Variants in RPS6KA2 observed in about 807,000 individuals in gnomAD.
The protein encoded by RPS6KA2 is ribosomal protein S6 kinase A2.
Under a neutral mutation model 91.8 loss-of-function variants are expected in RPS6KA2, and 42 were observed. That is an observed-to-expected ratio of 0.46 (90% confidence interval 0.36 to 0.59). The LOEUF (loss-of-function observed/expected upper bound fraction) is 0.59. Among genes scored for constraint, RPS6KA2 ranks in the 20% least tolerant of loss-of-function variants. The pLI is 0.00. For missense variants in RPS6KA2, 798 were observed against 978.5 expected, an observed-to-expected ratio of 0.82 and a Z score of 2.46; for synonymous variants, 414 against 393.6, an observed-to-expected ratio of 1.05 and a Z score of -0.61.
intron 1 of RPS6KA2, among the ~76,000 whole-genome samples, chr6:166,613,060 A>C (rs1786245607): frequency 6.6e-6 from 1 of 152,180 alleles, no homozygotes; most frequent in Non-Finnish European, 1.5e-5. Context: ...CTTTCCCTGT[A>C]TTTCAAGTCC....
chr6:166,691,170 C>A (rs1379500735), intron 2 of RPS6KA2, among the ~76,000 whole-genome samples: 1 of 152,138 alleles, frequency 6.6e-6, no homozygotes, highest in Non-Finnish European at 1.5e-5. Context: ...ACTCTGCCAT[C>A]TGATTGCCCT....
intron 3 of RPS6KA2, among the ~76,000 whole-genome samples, 197 bp from the exon 4 acceptor site, chr6:166,510,554 C>CATATATATATATAT (rs58712416): frequency 3.8e-5 from 3 of 78,792 alleles, no homozygotes; most frequent in Admixed American, 1.2e-4. Flanking sequence ...TTCTCTCTCT[C>CATATATATATATAT]ATATATATAT....
chr6:166,845,163 A>G (rs1246043600), intron 2 of RPS6KA2, among the ~76,000 whole-genome samples: 8 of 152,200 alleles, frequency 5.3e-5, no homozygotes, highest in Non-Finnish European at 1.2e-4. Context: ...GGAAAATATC[A>G]CAATCCTAAA....
intron 8 of RPS6KA2, among the ~76,000 whole-genome samples, chr6:166,496,365 TTA>T (rs1562533917): frequency 2.4e-5 from 2 of 83,898 alleles, no homozygotes; most frequent in African/African-American, 6.7e-5. Flanking sequence ...CAATAAAAAA[TTA>T]AAAAATAAAA....
intron 2 of RPS6KA2, among the ~76,000 whole-genome samples, chr6:166,707,312 A>T (rs1349143690): frequency 5.3e-5 from 8 of 152,226 alleles, no homozygotes; most frequent in African/African-American, 1.9e-4. Flanking sequence ...TCTCACCCAC[A>T]CGGTTAGGGA....
intron 1 of RPS6KA2, among the ~76,000 whole-genome samples, chr6:166,588,579 G>A (rs898466039): frequency 2.0e-5 from 3 of 152,280 alleles, no homozygotes; most frequent in East Asian, 1.9e-4. Flanking sequence ...CCAACCTCTC[G>A]CTCTGGCTGA....
At chr6:166,532,844 A>AGAGAGAGT (rs573257516) in intron 2 of RPS6KA2, among the ~76,000 whole-genome samples, 2,063 of 149,512 alleles carry the variant, frequency 0.014, 41 homozygotes, top group African/African-American at 0.048. Flanking sequence ...AGAGAGAGAG[A>AGAGAGAGT]GTGTGTGTGT....
Position 166,564,095 on chromosome 6 carries a change from T to C in RPS6KA2, c.100-25311A>G, listed in dbSNP as rs984501236. On this transcript the variant is annotated intron_variant, in intron 1 of 20. Coordinates refer to ENST00000265678, the MANE Select transcript of RPS6KA2 (RefSeq NM_021135.6). ...ACTATGTCCCAGGCTCTGTGTTTCCTCAGGAATATATTTACTTAGAGAAGC... is the reference window on the plus strand; with the variant it reads ...ACTATGTCCCAGGCTCTGTGTTTCCCCAGGAATATATTTACTTAGAGAAGC... 4.7e-4 allele frequency among the ~76,000 whole-genome samples: 72 copies of C among 152,164 alleles called. 1 individual carries two copies. Among genetic ancestry groups the C allele is most frequent in the Admixed American group, 4.5e-3 (69 of 15,266 alleles).
At chr6:166,564,456 T>C (rs11963778) in intron 1 of RPS6KA2, among the ~76,000 whole-genome samples, 8,522 of 152,238 alleles carry the variant, frequency 0.056, 838 homozygotes, top group African/African-American at 0.19. Flanking sequence ...TCTGTGCCGC[T>C]CTTCCAAATT....
Position 166,796,415 on chromosome 6 carries a change from C to T in RPS6KA2, c.123+61785G>A, listed in dbSNP as rs538354781. Among the ~76,000 whole-genome samples, 12 of 152,220 alleles carry T rather than the reference C, an allele frequency of 7.9e-5. No homozygotes were observed. The East Asian group carries it at 2.3e-3, about 29-fold the overall frequency. On this transcript the variant is annotated intron_variant, in intron 2 of 21. Transcript: ENST00000503859. ...ACCATCCTGGCCAACATGATAAAAC[C>T]CTGTCTCTATTAAAAACACAAAAAT...
At chr6:166,702,385 G>C (rs1273220386) in intron 2 of RPS6KA2, 2 of 1,608,310 alleles carry the variant, frequency 1.2e-6, no homozygotes, top group East Asian at 4.5e-5. Flanking sequence ...CTACTTTCAA[G>C]GTGAAATTCT....
At chr6:166,744,689 C>T (rs1163379451) in intron 2 of RPS6KA2, among the ~76,000 whole-genome samples, 1 of 152,130 alleles carries the variant, frequency 6.6e-6, no homozygotes, top group Non-Finnish European at 1.5e-5. Context: ...GAGGGCAGGC[C>T]CCAGGAGAGG....
At chr6:166,522,002 C>T (rs1194437955) in intron 3 of RPS6KA2, among the ~76,000 whole-genome samples, 8 of 152,164 alleles carry the variant, frequency 5.3e-5, no homozygotes, top group African/African-American at 1.9e-4. Flanking sequence ...AGTGAGGACA[C>T]AGCCAGAAGA....
Position 166,508,533 on chromosome 6 carries a change from C to T in RPS6KA2, c.380-251G>A, listed in dbSNP as rs1782347821. Among the ~76,000 whole-genome samples, 1 of 152,128 alleles carries T rather than the reference C, an allele frequency of 6.6e-6. No homozygotes were observed. The highest frequency in any genetic ancestry group is 1.5e-5 in the Non-Finnish European group (1 of 68,038). On this transcript the variant is annotated intron_variant, in intron 4 of 20. Coordinates refer to ENST00000265678, the MANE Select transcript of RPS6KA2 (RefSeq NM_021135.6). This position sits in a 1 kb window ranked among gnomAD's most constrained non-coding sequence, Gnocchi z 4.3. ...TTTCTTTCATCTTTCTTTCCTCTCC[C>T]CTCCCTCCCTTTTTTAATCACAAAG...
intron 1 of RPS6KA2, among the ~76,000 whole-genome samples, chr6:166,618,966 T>G (rs1349373955): frequency 6.6e-6 from 1 of 152,010 alleles, no homozygotes; most frequent in Non-Finnish European, 1.5e-5. Flanking sequence ...GCCATCAGAT[T>G]CGCCCACAAG....
intron 2 of RPS6KA2, among the ~76,000 whole-genome samples, chr6:166,657,944 C>T (rs1301291185): frequency 1.3e-5 from 2 of 152,108 alleles, no homozygotes; most frequent in East Asian, 1.9e-4. Context: ...AGTGCAGTGG[C>T]GAGATCTCGG....
intron 19 of RPS6KA2, among the ~76,000 whole-genome samples, chr6:166,415,157 T>C (rs1481851515): frequency 6.6e-6 from 1 of 152,254 alleles, no homozygotes; most frequent in African/African-American, 2.4e-5. Flanking sequence ...AGAAATACTA[T>C]GCACAATAAC....
At position 166,612,819 on chromosome 6, in the gene RPS6KA2, T is replaced by C. The variant is rs1786235406; in HGVS notation, c.99+14102A>G. On this transcript the variant is annotated intron_variant, in intron 1 of 20. Transcript: ENST00000265678. This position sits in a 1 kb window ranked among gnomAD's most constrained non-coding sequence, Gnocchi z 4.3. ...CATCAGCCTCTCTCTCTCCATGCCC[T>C]TGACCTGTCCTCCTCCCTCTGGCCC... 6.6e-6 allele frequency among the ~76,000 whole-genome samples: 1 copy of C among 152,230 alleles called. No individual in the cohort carries two copies. The highest frequency in any genetic ancestry group is 2.4e-5 in the African/African-American group (1 of 41,456).
chr6:166,683,431 C>T (rs1348391832), intron 2 of RPS6KA2, among the ~76,000 whole-genome samples: 1 of 152,188 alleles, frequency 6.6e-6, no homozygotes, highest in African/African-American at 2.4e-5. Context: ...AGACCACATT[C>T]CTTCCACTCT....
Sources: allele counts gnomAD v4.1 joint callset (sites outside exome capture counted in the v4.1 genomes callset), GRCh38; gene constraint gnomAD v4.1.1; non-coding constraint Gnocchi (gnomAD v3.1); transcripts MANE v1.5; gene names NCBI Gene and HGNC (gene_info 2026-07-23, HGNC 2026-07-21).